Variants in FHIT observed in about 807,000 individuals in gnomAD.
FHIT encodes the protein bis(5'-adenosyl)-triphosphatase.
In FHIT, 19 loss-of-function variants were observed where a neutral mutation model predicts 17.9. That is an observed-to-expected ratio of 1.06 (90% CI 0.74 to 1.56). The LOEUF is 1.56. Among genes scored for constraint, FHIT ranks in the 40% most tolerant of loss-of-function variants. FHIT has a pLI of 0.00. For missense variants in FHIT, 248 were observed against 189.2 expected (o/e 1.31, Z -1.82); for synonymous variants, 81 against 69.7 (o/e 1.16, Z -0.81).
intron 5 of FHIT, among the ~76,000 whole-genome samples, chr3:60,120,493 C>G: frequency 6.6e-6 from 1 of 152,194 alleles, no homozygotes; most frequent in East Asian, 1.9e-4. Flanking sequence ...GCACAATCTT[C>G]CTGCTCCAAC....
At chr3:60,194,406 C>T (rs1245633890) in intron 5 of FHIT, among the ~76,000 whole-genome samples, 1 of 152,050 alleles carries the variant, frequency 6.6e-6, no homozygotes. Context: ...TAAACGGGAT[C>T]CTTATCTCTC....
At chr3:60,343,992 A>C (rs1479087193) in intron 5 of FHIT, among the ~76,000 whole-genome samples, 1 of 152,194 alleles carries the variant, frequency 6.6e-6, no homozygotes, top group Non-Finnish European at 1.5e-5. Context: ...GGCATTTTGC[A>C]CTTTGCTTTC....
At chr3:60,086,168 C>A (rs1353489078) in intron 5 of FHIT, among the ~76,000 whole-genome samples, 1 of 152,036 alleles carries the variant, frequency 6.6e-6, no homozygotes, top group East Asian at 1.9e-4. Flanking sequence ...GGGGGGATGC[C>A]AGGCTCTTTT....
intron 3 of FHIT, among the ~76,000 whole-genome samples, chr3:60,837,285 A>C (rs147736268): frequency 0.027 from 4,113 of 152,246 alleles, 169 homozygotes; most frequent in African/African-American, 0.093. Flanking sequence ...GAAAACCAAG[A>C]GAAGAGAAAA....
intron 5 of FHIT, among the ~76,000 whole-genome samples, chr3:60,145,177 C>T (rs1428295790): frequency 6.6e-6 from 1 of 152,004 alleles, no homozygotes. Flanking sequence ...CTTTGAATTA[C>T]TTTCTACTGA....
At chr3:60,698,100 G>A (rs548603455) in intron 4 of FHIT, among the ~76,000 whole-genome samples, 2 of 152,236 alleles carry the variant, frequency 1.3e-5, no homozygotes, top group Admixed American at 6.5e-5. Context: ...GAAATGGCAA[G>A]GAGAATACAA....
At chr3:60,378,222 T>G (rs1194258100) in intron 5 of FHIT, among the ~76,000 whole-genome samples, 1 of 151,536 alleles carries the variant, frequency 6.6e-6, no homozygotes, top group African/African-American at 2.4e-5. Context: ...GAGACGGGGT[T>G]TCACCATTCA....
intron 5 of FHIT, among the ~76,000 whole-genome samples, chr3:60,527,648 T>C (rs1050745326): frequency 2.6e-5 from 4 of 152,114 alleles, no homozygotes; most frequent in Non-Finnish European, 1.5e-5. Flanking sequence ...TCTTAAATGA[T>C]AATGAAGCTT....
In FHIT at chr3:60,565,769, G is replaced by A. The variant is rs751366961; in HGVS notation, c.-17-28790C>T. Reference sequence around the variant, plus strand: ...TTGTGTCTCTATTTCCTTCAGTTCCGCTCTGATCTTAGTTATTTCTTGCCT... The same window carrying A: ...TTGTGTCTCTATTTCCTTCAGTTCCACTCTGATCTTAGTTATTTCTTGCCT... On this transcript the variant is annotated intron_variant, in intron 4 of 9. Transcript: ENST00000492590. Among the ~76,000 whole-genome samples the A allele has an allele frequency of 1.1e-4, 16 of 152,174 alleles. 1 individual carries two copies. Among genetic ancestry groups the A allele is most frequent in the South Asian group, 8.3e-4 (4 of 4,824 alleles).
In FHIT at chr3:59,956,284, A is replaced by T. The variant is rs547746182; in HGVS notation, c.280-33870T>A. On this transcript the variant is annotated intron_variant, in intron 7 of 9. Coordinates refer to ENST00000492590, the MANE Select transcript of FHIT (RefSeq NM_002012.4). Reference sequence around the variant, plus strand: ...GCCAGGCATGGTGGCTCACATCTGTAATCCCAGCACACAGCCTCCCAGGAG... The same window carrying T: ...GCCAGGCATGGTGGCTCACATCTGTTATCCCAGCACACAGCCTCCCAGGAG... Among the ~76,000 whole-genome samples, 8 of 152,290 alleles carry T rather than the reference A, an allele frequency of 5.3e-5. No homozygotes were observed. In the East Asian group the frequency reaches 1.5e-3, roughly 29 times the overall value.
intron 3 of FHIT, among the ~76,000 whole-genome samples, chr3:60,849,804 G>A (rs1553747721): frequency 6.6e-6 from 1 of 151,718 alleles, no homozygotes; most frequent in Non-Finnish European, 1.5e-5. Context: ...TATATCCCAT[G>A]TCTCTCCAAG....
intron 5 of FHIT, among the ~76,000 whole-genome samples, chr3:60,399,173 T>G (rs1169215774): frequency 6.6e-6 from 1 of 152,194 alleles, no homozygotes; most frequent in Non-Finnish European, 1.5e-5. Context: ...TTATAACCTA[T>G]AAAAAGTTTC....
intron 8 of FHIT, among the ~76,000 whole-genome samples, chr3:59,852,279 A>T (rs1395351657): frequency 1.3e-5 from 2 of 152,160 alleles, no homozygotes; most frequent in Non-Finnish European, 2.9e-5. Flanking sequence ...TATTACCCCC[A>T]TCGACAAGCG....
intron 8 of FHIT, among the ~76,000 whole-genome samples, chr3:59,822,692 G>C (rs1700839814): frequency 6.6e-6 from 1 of 151,978 alleles, no homozygotes; most frequent in Admixed American, 6.6e-5. Context: ...TATAGATTCT[G>C]GATGTTCGTC....
chr3:60,480,595 G>C (rs2033564493), intron 5 of FHIT, among the ~76,000 whole-genome samples: 1 of 152,184 alleles, frequency 6.6e-6, no homozygotes, highest in Non-Finnish European at 1.5e-5. Flanking sequence ...TTACAAATGA[G>C]AGAAATTGGC....
intron 5 of FHIT, among the ~76,000 whole-genome samples, chr3:60,381,717 G>T (rs1156619545): frequency 6.6e-6 from 1 of 152,004 alleles, no homozygotes; most frequent in South Asian, 2.1e-4. Flanking sequence ...GTATCAACTG[G>T]TATATACAAT....
At chr3:60,332,647 C>T (rs79886037) in intron 5 of FHIT, among the ~76,000 whole-genome samples, 239 of 152,242 alleles carry the variant, frequency 1.6e-3, no homozygotes, top group Non-Finnish European at 2.6e-3. Flanking sequence ...TGCTATTATT[C>T]TGTCCCTAGA....
chr3:59,863,263 A>T (rs971711197), intron 8 of FHIT, among the ~76,000 whole-genome samples: 2 of 152,182 alleles, frequency 1.3e-5, no homozygotes, highest in Admixed American at 6.5e-5. Context: ...CTGCTTTGTG[A>T]CGCACATCAC....
chr3:60,137,507 T>C (rs886708186), intron 5 of FHIT, among the ~76,000 whole-genome samples: 1 of 152,170 alleles, frequency 6.6e-6, no homozygotes, highest in African/African-American at 2.4e-5. Flanking sequence ...ACTAGGTAGC[T>C]AGCTGCCAGA....
Sources: allele counts gnomAD v4.1 joint callset (sites outside exome capture counted in the v4.1 genomes callset), GRCh38; gene constraint gnomAD v4.1.1; transcripts MANE v1.5; gene names NCBI Gene and HGNC (gene_info 2026-07-23, HGNC 2026-07-21).